Variants in POU2F1 observed in about 807,000 individuals in gnomAD.
The protein encoded by POU2F1 is POU class 2 homeobox 1.
In POU2F1, 16 loss-of-function variants were observed where a neutral mutation model predicts 84.9. The observed-to-expected ratio is 0.19, with a 90% CI of 0.13 to 0.29. The LOEUF is 0.29. Ranked by LOEUF, POU2F1 falls within the 10% of genes least tolerant of loss-of-function variation. POU2F1 has a pLI of 1.00. For missense variants in POU2F1, 738 were observed against 942.6 expected (o/e 0.78, Z 2.84); for synonymous variants, 368 against 368.3 (o/e 1.00, Z 0.01).
Position 167,343,830 on chromosome 1 carries a change from ATGT to A in POU2F1, c.127+11299_127+11301del, listed in dbSNP as rs542819732. Among the ~76,000 whole-genome samples the A allele has an allele frequency of 8.8e-4, 134 of 151,972 alleles. 1 individual carries two copies. Among genetic ancestry groups the A allele is most frequent in the East Asian group, 7.7e-4 (4 of 5,170 alleles). On this transcript the variant is annotated intron_variant, in intron 2 of 15. Transcript: ENST00000367866. ...ATGATGAAACATTTCAGCACTGAAAATGTTGTACTTGGGGTGCCTTGTGGTGCT... is the reference window on the plus strand; with the variant it reads ...ATGATGAAACATTTCAGCACTGAAAATGTACTTGGGGTGCCTTGTGGTGCT...
chr1:167,269,972 T>A (rs752092971), intron 1 of POU2F1, among the ~76,000 whole-genome samples: 8 of 152,130 alleles, frequency 5.3e-5, no homozygotes, highest in Non-Finnish European at 8.8e-5. Flanking sequence ...TTCTTTTTTT[T>A]CTGACGTTGA....
chr1:167,376,212 C>G, intron 7 of POU2F1, 57 bp downstream of exon 7: 1 of 1,559,808 alleles, frequency 6.4e-7, no homozygotes, highest in Non-Finnish European at 8.7e-7. Flanking sequence ...CTGAATGTTA[C>G]ACATGCATGA....
At chr1:167,407,732 T>C (rs189506253) in intron 13 of POU2F1, among the ~76,000 whole-genome samples, 43 of 152,314 alleles carry the variant, frequency 2.8e-4, no homozygotes, top group Admixed American at 9.1e-4. Context: ...ATCCTTACCT[T>C]ACACCGTGCA....
intron 1 of POU2F1, among the ~76,000 whole-genome samples, chr1:167,292,363 A>G (rs891807027): frequency 1.3e-5 from 2 of 152,058 alleles, no homozygotes; most frequent in African/African-American, 4.8e-5. Flanking sequence ...TTCCATTTTG[A>G]ATATTATTGT....
chr1:167,397,091 C>G (rs57567384), intron 10 of POU2F1, among the ~76,000 whole-genome samples: 2,586 of 152,306 alleles, frequency 0.017, 72 homozygotes, highest in African/African-American at 0.058. Flanking sequence ...GCCTAGGCAT[C>G]TGTTTCCCAA....
chr1:167,414,482 G>A, intron 15 of POU2F1: 2 of 985,444 alleles, frequency 2.0e-6, no homozygotes, highest in South Asian at 4.7e-5. Flanking sequence ...AATCAAATGT[G>A]TAATGCCGTT....
rs1452112514 is a variant in POU2F1 at position 167,415,719 on chromosome 1, C to T, written c.2210C>T (p.Thr737Ile). The change falls in exon 16 of 16, where the codon ACC becomes ATC. Residue 737 changes from threonine (T) to isoleucine (I), a missense_variant. Coordinates refer to ENST00000367866, the MANE Select transcript of POU2F1 (RefSeq NM_002697.4). Reference sequence around the variant, plus strand: ...GTAGCCAGCCTTCACGCCACCTCCACCTCTGCTGAGTCCATCCAGAACTCT... The same window carrying T: ...GTAGCCAGCCTTCACGCCACCTCCATCTCTGCTGAGTCCATCCAGAACTCT... ...APVASLHATSTSAESIQNSLF... is the reference protein window; with the variant it reads ...APVASLHATSISAESIQNSLF... 2 of 1,614,172 alleles carry T rather than the reference C, an allele frequency of 1.2e-6. No individual in the cohort carries two copies. Among genetic ancestry groups the T allele is most frequent in the Non-Finnish European group, 1.7e-6 (2 of 1,180,010 alleles).
chr1:167,305,903 G>A (rs534561264), intron 1 of POU2F1, among the ~76,000 whole-genome samples: 3 of 152,272 alleles, frequency 2.0e-5, no homozygotes, highest in Admixed American at 2.0e-4. Flanking sequence ...ACATTTCCTG[G>A]AATTCCTACT....
chr1:167,295,783 A>G (rs1421663493), intron 1 of POU2F1, among the ~76,000 whole-genome samples: 1 of 152,190 alleles, frequency 6.6e-6, no homozygotes, highest in African/African-American at 2.4e-5. Flanking sequence ...TGTAAAGTGA[A>G]TGGGCCATAG....
chr1:167,323,047 C>T (rs1346305059), intron 1 of POU2F1, among the ~76,000 whole-genome samples: 1 of 152,178 alleles, frequency 6.6e-6, no homozygotes, highest in Non-Finnish European at 1.5e-5. Flanking sequence ...GGGGGCCTGT[C>T]TATGGCCAGA....
chr1:167,415,750 C>A lies in POU2F1; in HGVS notation c.2241C>A (p.Phe747Leu). ...TSAESIQNSL[F>L]TVASASGAAS... is the part of the protein sequence containing the mutation. ...CTGAGTCCATCCAGAACTCTCTCTTCACAGTGGCCTCTGCCAGCGGGGCTG... is the reference window on the plus strand; with the variant it reads ...CTGAGTCCATCCAGAACTCTCTCTTAACAGTGGCCTCTGCCAGCGGGGCTG... Residue 747 changes from phenylalanine to leucine, a missense_variant, in exon 16 of 16, where the codon TTC becomes TTA. Transcript: ENST00000367866. 1 of 1,614,164 alleles carries A rather than the reference C, an allele frequency of 6.2e-7. No individual in the cohort carries two copies. The highest frequency in any genetic ancestry group is 8.5e-7 in the Non-Finnish European group (1 of 1,180,028).
intron 1 of POU2F1, among the ~76,000 whole-genome samples, chr1:167,302,745 CTCAA>C (rs1325320898): frequency 2.0e-5 from 3 of 152,302 alleles, no homozygotes; most frequent in Non-Finnish European, 2.9e-5. Context: ...AGCTATACTA[CTCAA>C]TCAGTTACAC....
chr1:167,282,584 T>A (rs569748166), intron 1 of POU2F1, among the ~76,000 whole-genome samples: 2 of 152,248 alleles, frequency 1.3e-5, no homozygotes, highest in Admixed American at 1.3e-4. Flanking sequence ...CAGCCTCTTC[T>A]CCTGTCACTT....
intron 12 of POU2F1, 151 bp from the exon 13 acceptor site, chr1:167,401,300 G>T: frequency 1.9e-6 from 1 of 515,262 alleles, no homozygotes. Flanking sequence ...AGCTATCTGT[G>T]ATATCAGTGA....
In POU2F1 at chr1:167,426,922, A is replaced by G. The variant is rs1361453997; in HGVS notation, c.*11112A>G. ...CTGCCCCAGAGTGCCTGTTAGCCAAATATTTCCCCTCTGATAGGAATATTT... is the reference window on the plus strand; with the variant it reads ...CTGCCCCAGAGTGCCTGTTAGCCAAGTATTTCCCCTCTGATAGGAATATTT... On this transcript the variant is annotated 3_prime_UTR_variant, in exon 16 of 16. Transcript: ENST00000367866. The G allele has an allele frequency of 6.6e-6, 1 of 152,192 alleles. No homozygotes were observed. Among genetic ancestry groups the G allele is most frequent in the Non-Finnish European group, 1.5e-5 (1 of 68,036 alleles). 9.4% of individuals were successfully genotyped at this position (152,192 alleles called of 1,614,324 possible).
chr1:167,255,137 A>G (rs541701291), intron 1 of POU2F1, among the ~76,000 whole-genome samples: 2 of 152,372 alleles, frequency 1.3e-5, no homozygotes, highest in Admixed American at 1.3e-4. Flanking sequence ...GCTTTTGAGT[A>G]CCATAGGAAT....
chr1:167,329,127 AAT>A, intron 1 of POU2F1: 1 of 1,354,754 alleles, frequency 7.4e-7, no homozygotes, highest in Non-Finnish European at 9.6e-7. Flanking sequence ...TTTTCCCCTT[AAT>A]CCACTTTCCA....
At chr1:167,262,537 G>A (rs1651647752) in intron 1 of POU2F1, among the ~76,000 whole-genome samples, 1 of 152,310 alleles carries the variant, frequency 6.6e-6, no homozygotes, top group Non-Finnish European at 1.5e-5. Flanking sequence ...TATAAATATA[G>A]TTGCTTGCTT....
chr1:167,415,941 G>GA lies in POU2F1; in HGVS notation c.*146dup, dbSNP rs35216157. 0.41 allele frequency: 174,444 copies of GA among 424,464 alleles called. 14,483 individuals carry two copies. Among genetic ancestry groups the GA allele is most frequent in the East Asian group, 0.5 (11,190 of 22,422 alleles). 26.3% of individuals were successfully genotyped at this position (424,464 alleles called of 1,614,324 possible). A position where few individuals can be genotyped will look rare whatever the true frequency, so the allele number is the denominator to read the frequency against. ...TTGTGAGGGCAAAGGAGAGAAGGGA[G>GA]AAAAAAAAAAAAAAACCACACACAC... On this transcript the variant is annotated 3_prime_UTR_variant, in exon 16 of 16. Transcript: ENST00000367866.
Sources: gnomAD v4.1 joint callset for allele counts (sites outside exome capture counted in the v4.1 genomes callset) on GRCh38, gnomAD v4.1.1 for gene constraint, MANE v1.5 for transcripts, NCBI Gene and HGNC (gene_info 2026-07-23, HGNC 2026-07-21) for gene names.